The following PTPRM variants were observed in gnomAD, a reference collection of about 807,000 sequenced individuals.
The protein encoded by PTPRM is receptor-type tyrosine-protein phosphatase mu.
Under a neutral mutation model 186.7 loss-of-function variants are expected in PTPRM, and 47 were observed. That is an observed-to-expected ratio of 0.25 (90% CI 0.20 to 0.32). The LOEUF is 0.32. PTPRM is among the 10% of genes least tolerant of loss of function. The probability of loss-of-function intolerance (pLI) is 1.00; values close to 1 mark genes in which losing one functional copy is unlikely to be tolerated. For synonymous variants in PTPRM, 668 were observed against 674.9 expected (o/e 0.99, Z 0.16); for missense variants, 1,494 against 1,865.0 (o/e 0.80, Z 3.66).
chr18:8,400,514 C>T (rs115141959), intron 32 of PTPRM, among the ~76,000 whole-genome samples: 247 of 152,320 alleles, frequency 1.6e-3, no homozygotes, highest in African/African-American at 4.9e-3. Flanking sequence ...GTAGGATAGA[C>T]GTGCCACACG....
chr18:8,130,716 A>C (rs2092482693), intron 13 of PTPRM, among the ~76,000 whole-genome samples: 1 of 152,128 alleles, frequency 6.6e-6, no homozygotes, highest in Non-Finnish European at 1.5e-5. Flanking sequence ...GTTAGATAGG[A>C]ATCTGGACTT....
At chr18:7,841,939 T>TA (rs924615311) in intron 2 of PTPRM, among the ~76,000 whole-genome samples, 21 of 151,766 alleles carry the variant, frequency 1.4e-4, no homozygotes, top group African/African-American at 3.9e-4. Context: ...ATGTTATTAT[T>TA]TTTTTTTCTT....
chr18:7,676,403 T>C (rs1463808934), intron 1 of PTPRM, among the ~76,000 whole-genome samples: 1 of 152,144 alleles, frequency 6.6e-6, no homozygotes, highest in Non-Finnish European at 1.5e-5. Flanking sequence ...TAGCCTCCTG[T>C]CCGTCTTGTC....
At chr18:8,133,739 A>G (rs536374710) in intron 13 of PTPRM, among the ~76,000 whole-genome samples, 35 of 152,274 alleles carry the variant, frequency 2.3e-4, no homozygotes, top group Admixed American at 1.6e-3. Flanking sequence ...GCATAATATT[A>G]GGAAAGGGGG....
In PTPRM at chr18:8,347,804, T is replaced by TA. The variant is rs533174567; in HGVS notation, c.3054+4295dup. Among the ~76,000 whole-genome samples the TA allele has an allele frequency of 7.8e-4, 117 of 149,706 alleles. 1 individual carries two copies. The highest frequency in any genetic ancestry group is 2.2e-3 in the African/African-American group (91 of 40,984). On this transcript the variant is annotated intron_variant, in intron 23 of 32. Coordinates refer to ENST00000580170, the MANE Select transcript of PTPRM (RefSeq NM_001105244.2). ...ACCATTTCAGGTCTGGTAAGGTTAT[T>TA]AAAAAAAAAAATTTCTTCCAAATCC...
rs568652224 is a variant in PTPRM at position 7,852,328 on chromosome 18, G to A, written c.197-35778G>A. Among the ~76,000 whole-genome samples the A allele has an allele frequency of 5.3e-5, 8 of 152,276 alleles. No individual in the cohort carries two copies. In the East Asian group the frequency reaches 1.5e-3, roughly 29 times the overall value. On this transcript the variant is annotated intron_variant, in intron 2 of 32. Coordinates refer to ENST00000580170, the MANE Select transcript of PTPRM (RefSeq NM_001105244.2). ...ATGGTAGCTCATACTTGTAATTCCA[G>A]TGTTTTAGGAGGCCGAGGTGGGAGG...
chr18:8,076,911 A>G (rs2089853127), intron 9 of PTPRM, among the ~76,000 whole-genome samples: 1 of 152,196 alleles, frequency 6.6e-6, no homozygotes, highest in Non-Finnish European at 1.5e-5. Flanking sequence ...TTGCTTAGCT[A>G]TTAAATATTT....
intron 1 of PTPRM, among the ~76,000 whole-genome samples, chr18:7,714,796 A>G (rs2040289422): frequency 6.6e-6 from 1 of 152,146 alleles, no homozygotes; most frequent in Non-Finnish European, 1.5e-5. Flanking sequence ...GGACACATAC[A>G]CCCTCCCAAG....
chr18:7,653,593 A>T (rs972510679), intron 1 of PTPRM, among the ~76,000 whole-genome samples: 9 of 152,004 alleles, frequency 5.9e-5, no homozygotes, highest in African/African-American at 1.9e-4. Context: ...GTTCCTGTGT[A>T]GTTTGCTAAG....
intron 13 of PTPRM, among the ~76,000 whole-genome samples, chr18:8,117,198 A>G (rs970890174): frequency 1.3e-5 from 2 of 152,234 alleles, no homozygotes; most frequent in African/African-American, 4.8e-5. Context: ...TAGTCAAAAC[A>G]GAGAAATAGG....
At chr18:8,225,715 G>C (rs2094205553) in intron 14 of PTPRM, among the ~76,000 whole-genome samples, 1 of 152,206 alleles carries the variant, frequency 6.6e-6, no homozygotes, top group Non-Finnish European at 1.5e-5. Context: ...TTGGTAAATA[G>C]TGAAATATAA....
At chr18:7,889,070 C>T (rs920725665) in intron 3 of PTPRM, among the ~76,000 whole-genome samples, 2 of 151,992 alleles carry the variant, frequency 1.3e-5, no homozygotes, top group African/African-American at 4.8e-5. Context: ...ATGCAGTTTA[C>T]CCAGGTAACA....
At chr18:8,023,107 AG>A (rs144128807) in intron 7 of PTPRM, among the ~76,000 whole-genome samples, 50,742 of 151,786 alleles carry the variant, frequency 0.33, 9,542 homozygotes, top group Non-Finnish European at 0.43. Flanking sequence ...CATGTTGCGG[AG>A]GTGATGGAAG....
chr18:7,825,726 C>T (rs563765404), intron 2 of PTPRM, among the ~76,000 whole-genome samples: 7 of 152,232 alleles, frequency 4.6e-5, no homozygotes, highest in South Asian at 2.1e-4. Flanking sequence ...TCAGACCAAG[C>T]GTTTGCCTCT....
intron 4 of PTPRM, among the ~76,000 whole-genome samples, chr18:7,911,933 A>G (rs1048568963): frequency 7.1e-6 from 1 of 140,312 alleles, no homozygotes; most frequent in Non-Finnish European, 1.5e-5. Flanking sequence ...GCTCACTGCA[A>G]CCTCCGCCTC....
chr18:8,191,270 A>G (rs574363204), intron 14 of PTPRM, among the ~76,000 whole-genome samples: 1 of 152,276 alleles, frequency 6.6e-6, no homozygotes, highest in African/African-American at 2.4e-5. Flanking sequence ...ATCATTTGAT[A>G]CTTAGTTTAA....
rs560459194 is a variant in PTPRM, at chr18:7,908,906, C to A, written c.547+2323C>A. On this transcript the variant is annotated intron_variant, in intron 4 of 32. Transcript: ENST00000580170. ...CTAATATGCACAAAGTTCATGGACT[C>A]TGATTCACTTCTTACTAGGAGGTTA... Among the ~76,000 whole-genome samples the A allele has an allele frequency of 3.3e-5, 5 of 152,318 alleles. No homozygotes were observed. In the South Asian group the frequency reaches 1.0e-3, roughly 32 times the overall value.
rs112835362 is a variant in PTPRM, at chr18:8,050,491, G to GA, written c.1133-19184dup. ...AGTGAATAAGTGGTATTAGTTTCCT[G>GA]AAAAAAAAAAACCCTCCATACACTC... On this transcript the variant is annotated intron_variant, in intron 7 of 32. Transcript: ENST00000580170. Among the ~76,000 whole-genome samples, 347 of 142,624 alleles carry GA rather than the reference G, an allele frequency of 2.4e-3. 1 individual carries two copies. Among genetic ancestry groups the GA allele is most frequent in the African/African-American group, 6.1e-3 (237 of 39,076 alleles). The allele number at this position is 142,624 out of a possible 152,430, so 93.6% of individuals were successfully genotyped here. A position where few individuals can be genotyped will look rare whatever the true frequency, so the allele number is the denominator to read the frequency against.
At chr18:8,049,971 A>G (rs2087357818) in intron 7 of PTPRM, among the ~76,000 whole-genome samples, 1 of 152,118 alleles carries the variant, frequency 6.6e-6, no homozygotes, top group Non-Finnish European at 1.5e-5. Flanking sequence ...TCGGCCTCCC[A>G]AAGTGCTGGG....
Sources: allele counts gnomAD v4.1 joint callset (sites outside exome capture counted in the v4.1 genomes callset), GRCh38; gene constraint gnomAD v4.1.1; transcripts MANE v1.5; gene names NCBI Gene and HGNC (gene_info 2026-07-23, HGNC 2026-07-21).